ASIC4: variants seen among roughly 807,000 people sequenced by gnomAD.
The protein encoded by ASIC4 is acid sensing ion channel subunit family member 4, also known as acid-sensing ion channel 4.
ASIC4 carries 28 observed loss-of-function variants against 53.4 expected under a neutral mutation model. The ratio of observed to expected loss-of-function variants is 0.52; its 90% CI spans 0.39 to 0.72. ASIC4 has a LOEUF of 0.72. ASIC4 is among the 30% of genes least tolerant of loss of function. The pLI is 0.00. For missense variants in ASIC4, 649 were observed against 729.7 expected, an observed-to-expected ratio of 0.89 and a Z score of 1.27; for synonymous variants, 289 against 301.4, an observed-to-expected ratio of 0.96 and a Z score of 0.43.
At chr2:219,510,002 C>T (rs1358091877), upstream of ASIC4, among the ~76,000 whole-genome samples, 2 of 151,776 alleles carry the variant, frequency 1.3e-5, no homozygotes, top group African/African-American at 4.8e-5. This position sits in a 1 kb window ranked among gnomAD's most constrained non-coding sequence, Gnocchi z 5.2. Flanking sequence ...GTGTGGGGGG[C>T]GGGGGCTCTG....
At chr2:219,532,651 T>C in intron 4 of ASIC4, 174 bp downstream of exon 4, 1 of 974,872 alleles carries the variant, frequency 1.0e-6, no homozygotes, top group East Asian at 2.6e-5. Context: ...CACATATGCA[T>C]GTGGGAATGC....
intron 6 of ASIC4, among the ~76,000 whole-genome samples, chr2:219,535,855 C>T (rs2105981358): frequency 6.6e-6 from 1 of 151,544 alleles, no homozygotes; most frequent in East Asian, 1.9e-4. Context: ...TCACTGCAAC[C>T]TCGACCTCCC....
intron 1 of ASIC4, among the ~76,000 whole-genome samples, chr2:219,522,859 A>C (rs898633813): frequency 6.6e-6 from 1 of 152,064 alleles, no homozygotes; most frequent in Non-Finnish European, 1.5e-5. Flanking sequence ...AGGCAGACCC[A>C]GGGAGGAGAG....
At position 219,536,463 on chromosome 2, in the gene ASIC4, G is replaced by A. The variant is rs887290710; in HGVS notation, c.1230-603G>A. Among the ~76,000 whole-genome samples, 3 of 152,194 alleles carry A rather than the reference G, an allele frequency of 2.0e-5. No homozygotes were observed. Among genetic ancestry groups the A allele is most frequent in the African/African-American group, 7.2e-5 (3 of 41,448 alleles). On this transcript the variant is annotated intron_variant, in intron 6 of 9. Transcript: ENST00000358078. The surrounding 1 kb of genome is among the most constrained non-coding windows in gnomAD (Gnocchi z 4.6). ...TGCCACAATTTGTCAATGAGCCCAC[G>A]TTTGATCATGTAGGACTGATTCTCA...
the ASIC4 span, among the ~76,000 whole-genome samples, chr2:219,508,410 T>C: frequency 1.5e-4 from 23 of 150,966 alleles, no homozygotes; most frequent in African/African-American, 4.6e-4. Context: ...CCAGTGGGGG[T>C]GGGGACATGG....
In ASIC4 at chr2:219,538,607, C is replaced by T. The variant is rs1260457164; in HGVS notation, c.*561C>T. ...AGGCCTGGCCCAGCTCCCAGTTCCC[C>T]CTGCACCAGCCCCACCCCTAGAGTC... On this transcript the variant is annotated 3_prime_UTR_variant, in exon 10 of 10. Transcript: ENST00000358078. 1.9e-5 allele frequency: 3 copies of T among 158,474 alleles called. No homozygotes were observed. The highest frequency in any genetic ancestry group is 7.2e-5 in the African/African-American group (3 of 41,446). 9.8% of individuals were successfully genotyped at this position (158,474 alleles called of 1,614,324 possible).
At chr2:219,525,587 C>A (rs1694948949) in intron 1 of ASIC4, among the ~76,000 whole-genome samples, 1 of 152,292 alleles carries the variant, frequency 6.6e-6, no homozygotes, top group Middle Eastern at 3.4e-3. Flanking sequence ...GACTGAGTGA[C>A]CTCGAAGTTC....
At chr2:219,527,043 G>A (rs534740319) in intron 1 of ASIC4, among the ~76,000 whole-genome samples, 14 of 152,284 alleles carry the variant, frequency 9.2e-5, no homozygotes, top group Non-Finnish European at 1.9e-4. Flanking sequence ...CAACTCCTTT[G>A]CATACTGCCC....
At chr2:219,508,917 G>C in the ASIC4 span, among the ~76,000 whole-genome samples, 1 of 151,196 alleles carries the variant, frequency 6.6e-6, no homozygotes, top group Admixed American at 6.6e-5. Context: ...GGAGCAAGCT[G>C]GGGGCCGGGG....
chr2:219,514,195 A>T, upstream of ASIC4: 1 of 965,120 alleles, frequency 1.0e-6, no homozygotes, highest in Non-Finnish European at 1.5e-6. Context: ...AGGGTGCAGC[A>T]GGAGTTTGGG....
At chr2:219,512,094 CAGCT>C (rs1251166934), upstream of ASIC4, among the ~76,000 whole-genome samples, 1 of 151,842 alleles carries the variant, frequency 6.6e-6, no homozygotes, top group Non-Finnish European at 1.5e-5. Context: ...CAATTGGAGA[CAGCT>C]GGCTGTGGGG....
At position 219,532,900 on chromosome 2, in the gene ASIC4, C is replaced by T. The variant is rs1467367479; in HGVS notation, c.1036C>T (p.Pro346Ser). The T allele has an allele frequency of 6.2e-7, 1 of 1,613,620 alleles. No homozygotes were observed. The highest frequency in any genetic ancestry group is 1.3e-5 in the African/African-American group (1 of 74,878). ...VHMPGNETICPPNIYIECADH... is the reference protein window; with the variant it reads ...VHMPGNETICSPNIYIECADH... ...CCTTTCAGGCAATGAGACCATCTGC[C>T]CACCAAATATCTACATCGAGTGTGC... The change falls in exon 5 of 10, where the codon CCA (proline) becomes TCA (serine). Residue 346 changes from proline (P) to serine (S), a missense_variant. Coordinates refer to ENST00000358078, the MANE Select transcript of ASIC4 (RefSeq NM_018674.6).
chr2:219,524,410 T>A (rs1384318738), intron 1 of ASIC4, among the ~76,000 whole-genome samples: 1 of 152,240 alleles, frequency 6.6e-6, no homozygotes, highest in East Asian at 1.9e-4. Context: ...AGCTTCCTTA[T>A]CCTCTCTGTA....
At chr2:219,515,736 A>AGGGGAGGTTT (rs1694777474) in intron 1 of ASIC4, among the ~76,000 whole-genome samples, 1 of 152,092 alleles carries the variant, frequency 6.6e-6, no homozygotes, top group South Asian at 2.1e-4. Flanking sequence ...GGAGATAGGG[A>AGGGGAGGTTT]GGGGAGGTTT....
At chr2:219,511,220 G>T (rs1694697170), upstream of ASIC4, among the ~76,000 whole-genome samples, 1 of 152,080 alleles carries the variant, frequency 6.6e-6, no homozygotes, top group Admixed American at 6.5e-5. This position sits in a 1 kb window ranked among gnomAD's most constrained non-coding sequence, Gnocchi z 5.3. Context: ...ATCAGCTTGG[G>T]GGTTCCTGTG....
chr2:219,509,076 T>C, the ASIC4 span, among the ~76,000 whole-genome samples: 1 of 144,816 alleles, frequency 6.9e-6, no homozygotes, highest in Non-Finnish European at 1.5e-5. The surrounding 1 kb of genome is among the most constrained non-coding windows in gnomAD (Gnocchi z 5.2). Context: ...TGGGGGAGGC[T>C]GGCCAGGACA....
upstream of ASIC4, among the ~76,000 whole-genome samples, chr2:219,511,400 C>G (rs117416664): frequency 8.6e-5 from 13 of 151,358 alleles, no homozygotes; most frequent in East Asian, 2.0e-4. The surrounding 1 kb of genome is among the most constrained non-coding windows in gnomAD (Gnocchi z 5.3). Context: ...CTGCCCCCCC[C>G]CCACATTCTG....
upstream of ASIC4, among the ~76,000 whole-genome samples, chr2:219,513,927 C>T (rs551322553): frequency 1.4e-4 from 22 of 152,326 alleles, no homozygotes; most frequent in South Asian, 4.4e-3. Flanking sequence ...CTCCTCTGCC[C>T]CCCTCCCTCC....
Position 219,537,313 on chromosome 2 carries a change from A to G in ASIC4, c.1393A>G (p.Ile465Val). ...ILTLLEILDY[I>V]YEVSWDRLKR... ...CACGTTGCTGGAGATCCTCGACTAC[A>G]TCTATGAGGCAAGGGCCCTGGAGAA... The change falls in exon 8 of 10, where the codon ATC becomes GTC. Residue 465 changes from isoleucine to valine, a missense_variant. Physicochemically the swap from Ile to Val is conservative, Grantham distance 29. Coordinates refer to ENST00000358078, the MANE Select transcript of ASIC4 (RefSeq NM_018674.6). The surrounding 1 kb of genome is among the most constrained non-coding windows in gnomAD (Gnocchi z 4.9). 2 of 1,612,786 alleles carry G rather than the reference A, an allele frequency of 1.2e-6. No individual in the cohort carries two copies. Among genetic ancestry groups the G allele is most frequent in the South Asian group, 1.1e-5 (1 of 90,852 alleles).
Sources: allele counts gnomAD v4.1 joint callset (sites outside exome capture counted in the v4.1 genomes callset), GRCh38; gene constraint gnomAD v4.1.1; non-coding constraint Gnocchi (gnomAD v3.1); transcripts MANE v1.5; gene names NCBI Gene and HGNC (gene_info 2026-07-23, HGNC 2026-07-21).